Variants in VPS13C observed in about 807,000 individuals in gnomAD.
The protein encoded by VPS13C is vacuolar protein sorting 13 homolog C.
A neutral mutation model predicts 456.8 loss-of-function variants in VPS13C; 358 were observed. The observed-to-expected ratio is 0.78, with a 90% CI of 0.72 to 0.86. VPS13C has a LOEUF of 0.86. VPS13C is among the 40% of genes least tolerant of loss of function. The probability of loss-of-function intolerance (pLI) is 0.00; values close to 1 mark genes in which losing one functional copy is unlikely to be tolerated. For synonymous variants in VPS13C, 1,578 were observed against 1,486.7 expected (o/e 1.06, Z -1.41); for missense variants, 4,818 against 4,385.4 (o/e 1.10, Z -2.79).
At chr15:62,027,988 G>A (rs536809680) in intron 6 of VPS13C, among the ~76,000 whole-genome samples, 3 of 152,054 alleles carry the variant, frequency 2.0e-5, no homozygotes, top group East Asian at 1.9e-4. Context: ...CAAAACCACC[G>A]CTATCAGAGA....
At chr15:61,898,680 A>C (rs1381543691) in intron 66 of VPS13C, among the ~76,000 whole-genome samples, 1 of 133,352 alleles carries the variant, frequency 7.5e-6, no homozygotes, top group Non-Finnish European at 1.6e-5. Flanking sequence ...CACTGTCAAC[A>C]TTAGACAGAT....
chr15:61,955,521 A>C (rs8027751), intron 37 of VPS13C, among the ~76,000 whole-genome samples: 2 of 152,134 alleles, frequency 1.3e-5, no homozygotes, highest in African/African-American at 2.4e-5. Flanking sequence ...AAAGCCGCTA[A>C]TGTTAATCAT....
rs1440945900 is a variant in VPS13C at position 62,037,217 on chromosome 15, TA to T, written c.188-2166del. On this transcript the variant is annotated intron_variant, in intron 3 of 84. Coordinates refer to ENST00000644861, the MANE Select transcript of VPS13C (RefSeq NM_020821.3). ...TAATAAATATAATATATAAATATAT[TA>T]TATAATATATTATATATAAATATAT... Among the ~76,000 whole-genome samples, 521 of 96,930 alleles carry T rather than the reference TA, an allele frequency of 5.4e-3. 8 individuals carry two copies. Among genetic ancestry groups the T allele is most frequent in the African/African-American group, 0.021 (502 of 24,334 alleles). 63.6% of individuals were successfully genotyped at this position (96,930 alleles called of 152,430 possible). A position where few individuals can be genotyped will look rare whatever the true frequency, so the allele number is the denominator to read the frequency against.
intron 59 of VPS13C, 108 bp downstream of exon 59, chr15:61,918,026 TAA>T (rs2043528261): frequency 8.7e-7 from 1 of 1,148,624 alleles, no homozygotes; most frequent in Non-Finnish European, 1.2e-6. Context: ...AATTATGTCT[TAA>T]AACTGGCTTT....
intron 47 of VPS13C, among the ~76,000 whole-genome samples, chr15:61,940,090 C>T (rs948619925): frequency 8.6e-5 from 13 of 151,878 alleles, no homozygotes; most frequent in African/African-American, 2.9e-4. Context: ...CTACAAACTA[C>T]ACTATTAAAA....
At chr15:61,945,192 T>C (rs549707659) in intron 45 of VPS13C, among the ~76,000 whole-genome samples, 2 of 152,360 alleles carry the variant, frequency 1.3e-5, no homozygotes, top group South Asian at 4.1e-4. Context: ...GGTGAGTGCA[T>C]TAAACCTCTT....
Position 62,020,503 on chromosome 15 carries a change from G to C in VPS13C, c.660C>G (p.Val220=), listed in dbSNP as rs1294202894. ...CCAGTAGACTAAGCTCTCCCAGTGTGACACCAAATGAAAGAGGCCGCTTTG... is the reference window on the plus strand; with the variant it reads ...CCAGTAGACTAAGCTCTCCCAGTGTCACACCAAATGAAAGAGGCCGCTTTG... ...TDPKRPLSFG[V]TLGELSLLTA... is the part of the protein sequence containing the mutation. The change falls in exon 9 of 85, where the codon GTC becomes GTG. Residue 220 remains valine, a synonymous_variant. Transcript: ENST00000644861. 1.4e-5 allele frequency: 23 copies of C among 1,611,544 alleles called. No individual in the cohort carries two copies. The highest frequency in any genetic ancestry group is 2.0e-5 in the Non-Finnish European group (23 of 1,178,556).
chr15:61,995,937 C>A (rs2140437593), intron 16 of VPS13C, among the ~76,000 whole-genome samples: 1 of 152,292 alleles, frequency 6.6e-6, no homozygotes, highest in Admixed American at 6.5e-5. Flanking sequence ...TGAGCAAGGG[C>A]CTCACCATGG....
Position 61,867,937 on chromosome 15 carries a change from T to C in VPS13C, c.10863+722A>G. 1 of 1,602,886 alleles carries C rather than the reference T, an allele frequency of 6.2e-7. No homozygotes were observed. Among genetic ancestry groups the C allele is most frequent in the Non-Finnish European group, 8.5e-7 (1 of 1,171,348 alleles). On this transcript the variant is annotated intron_variant, in intron 81 of 84. Transcript: ENST00000644861. This position sits in a 1 kb window ranked among gnomAD's most constrained non-coding sequence, Gnocchi z 5.0. ...TTTAGGAAACATTTATTCCTGTATT[T>C]CCAGTTCTTGCTGTGCAGGCAGAAA...
rs2043572832 is a variant in VPS13C, at chr15:61,919,324, C to T, written c.7603G>A (p.Gly2535Arg). 2 of 1,606,894 alleles carry T rather than the reference C, an allele frequency of 1.2e-6. No homozygotes were observed. Among genetic ancestry groups the T allele is most frequent in the East Asian group, 2.3e-5 (1 of 44,414 alleles). The change falls in exon 58 of 85, where the codon GGG becomes AGG. Residue 2535 changes from glycine (G) to arginine (R), a missense_variant. Gly to Arg is a moderately radical substitution (Grantham distance 125). Around this residue, in one of 3 missense-constraint regions of VPS13C, gnomAD observed 4,552 missense variants for 4,130.6 expected, o/e 1.10. Coordinates refer to ENST00000644861, the MANE Select transcript of VPS13C (RefSeq NM_020821.3). Reference protein sequence around the residue: ...SVLVQIDATEGNKVITLRSPL... With the variant: ...SVLVQIDATERNKVITLRSPL... ...GAGCGAAGGGTAATTACTTTATTCC[C>T]TTCAGTTGCATCAATTTGTACCAAG...
intron 16 of VPS13C, among the ~76,000 whole-genome samples, chr15:61,999,889 G>T (rs916627977): frequency 3.5e-5 from 4 of 115,882 alleles, no homozygotes; most frequent in Admixed American, 1.0e-4. Context: ...GAAGGAAGAG[G>T]AAACAAAGAA....
intron 35 of VPS13C, among the ~76,000 whole-genome samples, chr15:61,960,517 TATATC>T (rs551851571): frequency 2.0e-5 from 3 of 152,178 alleles, no homozygotes; most frequent in Non-Finnish European, 2.9e-5. Context: ...TTTCTAGAAT[TATATC>T]ATAGTTAATA....
chr15:62,060,256 G>A lies in VPS13C; in HGVS notation c.100+19C>T, dbSNP rs200940942. On this transcript the variant is annotated intron_variant, in intron 1 of 84. Coordinates refer to ENST00000644861, the MANE Select transcript of VPS13C (RefSeq NM_020821.3). ...GGCCCTCAGCGCCCGCAGCCCACTGGCCGCGCCCTCTCGCTTACCGCCCCA... is the reference window on the plus strand; with the variant it reads ...GGCCCTCAGCGCCCGCAGCCCACTGACCGCGCCCTCTCGCTTACCGCCCCA... 1.9e-6 allele frequency: 3 copies of A among 1,544,174 alleles called. No homozygotes were observed. Among genetic ancestry groups the A allele is most frequent in the East Asian group, 2.3e-5 (1 of 43,180 alleles).
intron 81 of VPS13C, chr15:61,865,611 T>C (rs571891851): frequency 1.7e-4 from 89 of 521,886 alleles, no homozygotes; most frequent in Non-Finnish European, 1.9e-4. Flanking sequence ...TGTATGTGTA[T>C]ATATGTATGT....
rs28610404 is a variant in VPS13C, at chr15:61,920,227, A to G, written c.7317T>C (p.Asn2439=). The G allele has an allele frequency of 1.7e-4, 272 of 1,613,642 alleles. No individual in the cohort carries two copies. In the African/African-American group the frequency reaches 2.5e-3, roughly 15 times the overall value. The part of the protein sequence containing the change: ...AVGVPIKVKP[N]CNLRVMGFPE... Reference sequence around the variant, plus strand: ...GGAAGCCCATTACTCTGAGATTACAATTGGGCTTCACCTTAATGGGAACAC... The same window carrying G: ...GGAAGCCCATTACTCTGAGATTACAGTTGGGCTTCACCTTAATGGGAACAC... Residue 2439 remains asparagine, a synonymous_variant, in exon 57 of 85, where the codon AAT becomes AAC. Coordinates refer to ENST00000644861, the MANE Select transcript of VPS13C (RefSeq NM_020821.3).
intron 13 of VPS13C, 104 bp downstream of exon 13, chr15:62,010,368 A>G: frequency 7.8e-7 from 1 of 1,278,432 alleles, no homozygotes; most frequent in Non-Finnish European, 1.0e-6. Flanking sequence ...TCTCAACATA[A>G]CAAACCCCAA....
At chr15:62,034,865 C>T in intron 4 of VPS13C, 92 bp downstream of exon 4, 1 of 817,362 alleles carries the variant, frequency 1.2e-6, no homozygotes, top group Non-Finnish European at 1.9e-6. Context: ...TACCTTCTAT[C>T]TTAATAAATA....
At chr15:61,965,464 T>A (rs894797635) in intron 30 of VPS13C, among the ~76,000 whole-genome samples, 2 of 151,872 alleles carry the variant, frequency 1.3e-5, no homozygotes, top group Non-Finnish European at 2.9e-5. Context: ...ATTTCAAGAA[T>A]GGGTAGTTTT....
chr15:62,036,911 A>G (rs1448050019), intron 3 of VPS13C, among the ~76,000 whole-genome samples: 2 of 151,550 alleles, frequency 1.3e-5, no homozygotes, highest in East Asian at 3.9e-4. Flanking sequence ...ACTTGAGCTT[A>G]ATTAGCCACA....
Sources: allele counts gnomAD v4.1 joint callset (sites outside exome capture counted in the v4.1 genomes callset), GRCh38; gene constraint gnomAD v4.1.1; regional missense constraint gnomAD v4.1.1; non-coding constraint Gnocchi (gnomAD v3.1); transcripts MANE v1.5; gene names NCBI Gene and HGNC (gene_info 2026-07-23, HGNC 2026-07-21).